Variants in FBXO43 observed in about 807,000 individuals in gnomAD.
The protein encoded by FBXO43 is F-box protein 43.
A neutral mutation model predicts 56.7 loss-of-function variants in FBXO43; 22 were observed. The ratio of observed to expected loss-of-function variants is 0.39; its 90% confidence interval spans 0.28 to 0.55. The LOEUF is 0.55. Ranked by LOEUF, FBXO43 falls within the 20% of genes least tolerant of loss-of-function variation. The pLI is 0.66. For missense variants in FBXO43, 733 were observed against 814.9 expected, an observed-to-expected ratio of 0.90 and a Z score of 1.22; for synonymous variants, 306 against 294.5, an observed-to-expected ratio of 1.04 and a Z score of -0.40.
intron 1 of FBXO43, among the ~76,000 whole-genome samples, chr8:100,142,465 A>G (rs1814691328): frequency 6.6e-6 from 1 of 152,206 alleles, no homozygotes; most frequent in South Asian, 2.1e-4. Context: ...AAAGAGAAAA[A>G]AACCTAGAAG....
In FBXO43 at chr8:100,138,600, C is replaced by T. The variant is rs187646470; in HGVS notation, c.1572-933G>A. On this transcript the variant is annotated intron_variant, in intron 2 of 4. Coordinates refer to ENST00000428847, the MANE Select transcript of FBXO43 (RefSeq NM_001029860.4). ...ACTGCCAACATAGTTACATACTTTG[C>T]AGTACAAATACTGTATGTTTGGAGA... Among the ~76,000 whole-genome samples, 21 of 152,272 alleles carry T rather than the reference C, an allele frequency of 1.4e-4. No homozygotes were observed. The East Asian group carries it at 2.3e-3, about 17-fold the overall frequency.
chr8:100,149,062 A>G (rs1470519808), upstream of FBXO43, among the ~76,000 whole-genome samples: 2 of 152,226 alleles, frequency 1.3e-5, no homozygotes, highest in East Asian at 1.9e-4. Context: ...GAAAAAGTTA[A>G]TGCTATCATT....
intron 1 of FBXO43, among the ~76,000 whole-genome samples, chr8:100,144,398 T>C (rs1032770980): frequency 1.3e-5 from 2 of 152,090 alleles, no homozygotes; most frequent in African/African-American, 4.8e-5. Context: ...GCCTCCAACG[T>C]CCTTTCTCTG....
Position 100,133,683 on chromosome 8 carries a change from A to T in FBXO43, c.*119T>A. ...CAATGACATCGATTATAATATATAC[A>T]AAATAGGAAATTAATCATCACCTGT... On this transcript the variant is annotated 3_prime_UTR_variant, in exon 5 of 5. Coordinates refer to ENST00000428847, the MANE Select transcript of FBXO43 (RefSeq NM_001029860.4). 1 of 1,204,472 alleles carries T rather than the reference A, an allele frequency of 8.3e-7. No homozygotes were observed. The highest frequency in any genetic ancestry group is 1.1e-6 in the Non-Finnish European group (1 of 872,404). 74.6% of individuals were successfully genotyped at this position (1,204,472 alleles called of 1,614,324 possible).
Position 100,133,654 on chromosome 8 carries a change from CAT to C in FBXO43, c.*146_*147del, listed in dbSNP as rs908683851. 3 of 909,544 alleles carry C rather than the reference CAT, an allele frequency of 3.3e-6. No homozygotes were observed. The African/African-American group carries it at 5.1e-5, about 16-fold the overall frequency. 56.3% of individuals were successfully genotyped at this position (909,544 alleles called of 1,614,324 possible). A position where few individuals can be genotyped will look rare whatever the true frequency, so the allele number is the denominator to read the frequency against. On this transcript the variant is annotated 3_prime_UTR_variant, in exon 5 of 5. Coordinates refer to ENST00000428847, the MANE Select transcript of FBXO43 (RefSeq NM_001029860.4). ...TTTTTCAAAACAACTTTAAAGAAAA[CAT>C]ACAATGACATCGATTATAATATATA...
intron 2 of FBXO43, among the ~76,000 whole-genome samples, chr8:100,139,888 G>GT (rs1814584745): frequency 6.6e-6 from 1 of 152,118 alleles, no homozygotes. Context: ...GCTAACGATT[G>GT]TTTTTAAATT....
At position 100,142,051 on chromosome 8, in the gene FBXO43, C is replaced by CA. The variant is rs761142262; in HGVS notation, c.202dup (p.Cys68LeufsTer9). 1 of 1,613,700 alleles carries CA rather than the reference C, an allele frequency of 6.2e-7. No homozygotes were observed. The highest frequency in any genetic ancestry group is 8.5e-7 in the Non-Finnish European group (1 of 1,179,878). ...ACTATCTTGAAATGAAGATGTGGAA[C>CA]AAAAATCTCTGAAGGTGGAGTACTT... On this transcript the variant is annotated frameshift_variant, in exon 2 of 5. Coordinates refer to ENST00000428847, the MANE Select transcript of FBXO43 (RefSeq NM_001029860.4). LOFTEE classifies it high-confidence loss of function.
upstream of FBXO43, among the ~76,000 whole-genome samples, chr8:100,147,845 G>A (rs1240313697): frequency 1.3e-5 from 2 of 152,216 alleles, no homozygotes; most frequent in Non-Finnish European, 2.9e-5. Context: ...CTGTAGGACT[G>A]TAAAGAATTA....
Position 100,141,711 on chromosome 8 carries a change from G to A in FBXO43, c.543C>T (p.Ser181=). The A allele has an allele frequency of 6.2e-7, 1 of 1,608,104 alleles. No individual in the cohort carries two copies. Among genetic ancestry groups the A allele is most frequent in the Non-Finnish European group, 8.5e-7 (1 of 1,176,014 alleles). The change falls in exon 2 of 5, where the codon AGC becomes AGT. Residue 181 remains serine (S), a synonymous_variant. Transcript: ENST00000428847. ...SQNSSLESSI[S]QVINLEKNIP... ...TATTTTTTTCTAAGTTGATAACTTG[G>A]CTTATACTACTTTCTAAAGAACTAT...
chr8:100,144,983 C>G, intron 1 of FBXO43, 68 bp downstream of exon 1: 1 of 1,485,470 alleles, frequency 6.7e-7, no homozygotes, highest in Non-Finnish European at 9.0e-7. Flanking sequence ...AAGCACCTAC[C>G]ACATCAGAGA....
In FBXO43 at chr8:100,134,326, G is replaced by A; in HGVS notation, c.1713C>T (p.Leu571=). ...TTAAAGCTGAGCGATTTAAAAGCTG[G>A]AGCCGAGTGGCAGCATCCTCGACAT... The part of the protein sequence containing the change: ...VLNVEDAATR[L]QLLNRSALRS... The change falls in exon 4 of 5, where the codon CTC becomes CTT. Residue 571 remains leucine, a synonymous_variant. Transcript: ENST00000428847. The A allele has an allele frequency of 1.2e-6, 2 of 1,613,866 alleles. No individual in the cohort carries two copies. The highest frequency in any genetic ancestry group is 1.7e-6 in the Non-Finnish European group (2 of 1,180,018).
In FBXO43 at chr8:100,140,862, A is replaced by G; in HGVS notation, c.1392T>C (p.His464=). 2 of 1,614,160 alleles carry G rather than the reference A, an allele frequency of 1.2e-6. No individual in the cohort carries two copies. The highest frequency in any genetic ancestry group is 1.7e-6 in the Non-Finnish European group (2 of 1,180,016). ...KRKRLQENSG[H]EFLEQGDGEK... ...CCCCATCCCCTTGCTCTAAGAATTC[A>G]TGTCCACTATTTTCCTGTAATCTTT... Residue 464 remains histidine, a synonymous_variant, in exon 2 of 5, where the codon CAT becomes CAC. Transcript: ENST00000428847.
chr8:100,141,508 CA>C lies in FBXO43; in HGVS notation c.745del (p.Cys249ValfsTer52). On this transcript the variant is annotated frameshift_variant, in exon 2 of 5. Coordinates refer to ENST00000428847, the MANE Select transcript of FBXO43 (RefSeq NM_001029860.4). LOFTEE classifies it high-confidence loss of function. ...ATTATTGCCCTGAATTGGAGATATA[CA>C]TTCAACTTCAAATAGGCTACAATCA... ...KDDCSLFEVE[C>X]ISPIQGNNFK... The C allele has an allele frequency of 6.2e-7, 1 of 1,612,504 alleles. No individual in the cohort carries two copies. The highest frequency in any genetic ancestry group is 8.5e-7 in the Non-Finnish European group (1 of 1,179,996).
chr8:100,140,821 A>G lies in FBXO43; in HGVS notation c.1433T>C (p.Leu478Pro). ...GATCAGTCCTGCAAGTATACACTGC[A>G]GTACAGCTATTTTCTCCCCATCCCC... Reference protein sequence around the residue: ...EQGDGEKIAVLQCILAGLIGK... With the variant: ...EQGDGEKIAVPQCILAGLIGK... Residue 478 changes from leucine (L) to proline (P), a missense_variant, in exon 2 of 5, where the codon CTG becomes CCG. Leu to Pro is a moderately conservative substitution (Grantham distance 98). Transcript: ENST00000428847. 1 of 1,614,264 alleles carries G rather than the reference A, an allele frequency of 6.2e-7. No individual in the cohort carries two copies. Among genetic ancestry groups the G allele is most frequent in the South Asian group, 1.1e-5 (1 of 91,090 alleles).
Position 100,140,805 on chromosome 8 carries a change from T to A in FBXO43, c.1449A>T (p.Ala483=). The change falls in exon 2 of 5, where the codon GCA becomes GCT. Residue 483 remains alanine (A), a synonymous_variant. Coordinates refer to ENST00000428847, the MANE Select transcript of FBXO43 (RefSeq NM_001029860.4). ...EKIAVLQCIL[A]GLIGKKMGIE... is the part of the protein sequence containing the mutation. ...TACCCATTTTCTTGCCGATCAGTCCTGCAAGTATACACTGCAGTACAGCTA... is the reference window on the plus strand; with the variant it reads ...TACCCATTTTCTTGCCGATCAGTCCAGCAAGTATACACTGCAGTACAGCTA... 6.2e-7 allele frequency: 1 copy of A among 1,614,240 alleles called. No homozygotes were observed. Among genetic ancestry groups the A allele is most frequent in the Non-Finnish European group, 8.5e-7 (1 of 1,180,036 alleles).
chr8:100,150,308 G>A (rs1347387580), upstream of FBXO43, among the ~76,000 whole-genome samples: 1 of 152,222 alleles, frequency 6.6e-6, no homozygotes, highest in Non-Finnish European at 1.5e-5. Context: ...GTTCGTCCGA[G>A]TAACGGCTAT....
chr8:100,141,408 G>A lies in FBXO43; in HGVS notation c.846C>T (p.Leu282=), dbSNP rs899673904. 6.2e-7 allele frequency: 1 copy of A among 1,613,488 alleles called. No homozygotes were observed. The highest frequency in any genetic ancestry group is 1.7e-5 in the Admixed American group (1 of 60,014). Residue 282 remains leucine, a synonymous_variant, in exon 2 of 5, where the codon CTC becomes CTT. Transcript: ENST00000428847. ...CINDENACPE[L]LGSSVSGTTC... ...TTGTTCCACTAACAGAGGAGCCCAG[G>A]AGCTCTGGACATGCATTCTCATCAT...
chr8:100,141,629 T>G lies in FBXO43; in HGVS notation c.625A>C (p.Ser209Arg). 11 of 1,613,310 alleles carry G rather than the reference T, an allele frequency of 6.8e-6. No individual in the cohort carries two copies. Among genetic ancestry groups the G allele is most frequent in the Non-Finnish European group, 9.3e-6 (11 of 1,179,850 alleles). ...GTCACTTCTTCTGTTTTTAAAGTGC[T>G]AGTAACTAAAGGGCTAAAATTATTT... ...RANNFSPLVT[S>R]TLKTEEVTSC... The change falls in exon 2 of 5, where the codon AGC becomes CGC. Residue 209 changes from serine (S) to arginine (R), a missense_variant. Ser to Arg is a moderately radical substitution (Grantham distance 110, BLOSUM62 -1). Transcript: ENST00000428847.
chr8:100,150,272 A>G (rs956938554), upstream of FBXO43, among the ~76,000 whole-genome samples: 1 of 152,206 alleles, frequency 6.6e-6, no homozygotes, highest in African/African-American at 2.4e-5. Flanking sequence ...CTACGTGAAA[A>G]TCATTGGTGT....
Sources: allele counts gnomAD v4.1 joint callset (sites outside exome capture counted in the v4.1 genomes callset), GRCh38; gene constraint gnomAD v4.1.1; transcripts MANE v1.5; gene names NCBI Gene and HGNC (gene_info 2026-07-23, HGNC 2026-07-21).